Variants in PITPNA observed in about 807,000 individuals in gnomAD.
PITPNA encodes phosphatidylinositol transfer protein alpha.
PITPNA carries 13 observed loss-of-function variants against 50.3 expected under a neutral mutation model. The observed-to-expected ratio is 0.26, with a 90% CI of 0.17 to 0.41. PITPNA has a LOEUF of 0.41. Ranked by LOEUF, PITPNA falls within the 10% of genes least tolerant of loss-of-function variation. PITPNA has a pLI of 1.00. For missense variants in PITPNA, 207 were observed against 333.4 expected, an observed-to-expected ratio of 0.62 and a Z score of 2.95; for synonymous variants, 120 against 119.6, an observed-to-expected ratio of 1.00 and a Z score of -0.02.
intron 2 of PITPNA, among the ~76,000 whole-genome samples, chr17:1,557,399 G>A (rs2075740661): frequency 6.6e-6 from 1 of 152,216 alleles, no homozygotes; most frequent in Non-Finnish European, 1.5e-5. Flanking sequence ...TATCACAGGA[G>A]CTTCATGCTG....
chr17:1,535,770 C>T (rs1409575313), intron 7 of PITPNA: 3 of 513,210 alleles, frequency 5.8e-6, no homozygotes, highest in African/African-American at 3.9e-5. Flanking sequence ...ACTGTCTGAG[C>T]AGGCACATAT....
At chr17:1,524,106 A>G (rs949678681) in intron 10 of PITPNA, among the ~76,000 whole-genome samples, 2 of 138,100 alleles carry the variant, frequency 1.4e-5, no homozygotes, top group South Asian at 2.3e-4. Flanking sequence ...GTGCAGTGGC[A>G]CGATCTTGGC....
Position 1,562,425 on chromosome 17 carries a change from T to C in PITPNA, c.20+116A>G. On this transcript the variant is annotated intron_variant, in intron 1 of 11. Transcript: ENST00000313486. This position sits in a 1 kb window ranked among gnomAD's most constrained non-coding sequence, Gnocchi z 6.4. ...CCCGCTGGGCCCGCCTCAGGCACCC[T>C]CCGTCCCTGCTGCCCCTCCGTCCAT... 1 of 699,012 alleles carries C rather than the reference T, an allele frequency of 1.4e-6. No homozygotes were observed. Among genetic ancestry groups the C allele is most frequent in the South Asian group, 2.4e-5 (1 of 40,944 alleles). The allele number at this position is 699,012 out of a possible 1,614,324, so 43.3% of individuals were successfully genotyped here. A position where few individuals can be genotyped will look rare whatever the true frequency, so the allele number is the denominator to read the frequency against.
chr17:1,534,021 G>T (rs772373025), intron 10 of PITPNA, 78 bp downstream of exon 10: 166 of 1,538,358 alleles, frequency 1.1e-4, no homozygotes, highest in Admixed American at 2.4e-4. Context: ...TGGTGCTCTC[G>T]GTGAAGCGCC....
intron 1 of PITPNA, among the ~76,000 whole-genome samples, chr17:1,560,249 C>T (rs144776616): frequency 3.8e-4 from 58 of 152,328 alleles, no homozygotes; most frequent in African/African-American, 1.3e-3. Flanking sequence ...ACCACTTCGG[C>T]AGCAATAGGG....
intron 2 of PITPNA, among the ~76,000 whole-genome samples, chr17:1,553,569 G>A (rs904319483): frequency 1.3e-5 from 2 of 152,082 alleles, no homozygotes; most frequent in African/African-American, 4.8e-5. Flanking sequence ...AGAGGCAGGT[G>A]AGTCTACTTA....
intron 4 of PITPNA, among the ~76,000 whole-genome samples, chr17:1,544,672 T>G (rs2075664123): frequency 6.6e-6 from 1 of 152,192 alleles, no homozygotes; most frequent in South Asian, 2.1e-4. Context: ...GCACGGTGGC[T>G]CCCGCCTGGA....
intron 2 of PITPNA, among the ~76,000 whole-genome samples, chr17:1,553,876 A>T (rs1290475976): frequency 1.3e-5 from 2 of 152,184 alleles, no homozygotes; most frequent in Non-Finnish European, 2.9e-5. Context: ...CATTTTCCAG[A>T]TTCCTGGTGG....
intron 10 of PITPNA, among the ~76,000 whole-genome samples, chr17:1,531,664 TAA>T (rs199730399): frequency 6.9e-6 from 1 of 145,190 alleles, no homozygotes; most frequent in Non-Finnish European, 1.5e-5. Flanking sequence ...CCTCACCTCT[TAA>T]AAAAAAAAAA....
At chr17:1,537,842 C>G (rs1282718538) in intron 7 of PITPNA, among the ~76,000 whole-genome samples, 1 of 151,884 alleles carries the variant, frequency 6.6e-6, no homozygotes. Flanking sequence ...GCTGTGTCGC[C>G]CAGGCTGGAG....
chr17:1,535,574 G>T, intron 7 of PITPNA, 56 bp from the exon 8 acceptor site: 1 of 1,039,114 alleles, frequency 9.6e-7, no homozygotes, highest in Non-Finnish European at 1.5e-6. Context: ...AGTGAGAGAT[G>T]GGGAGAACAG....
chr17:1,550,283 G>T (rs866950289), intron 3 of PITPNA, among the ~76,000 whole-genome samples: 2 of 152,180 alleles, frequency 1.3e-5, no homozygotes, highest in African/African-American at 4.8e-5. Context: ...GCCATAATGC[G>T]GTGGGCACAG....
chr17:1,551,724 A>G (rs185556921), intron 3 of PITPNA, among the ~76,000 whole-genome samples: 1 of 152,356 alleles, frequency 6.6e-6, no homozygotes, highest in East Asian at 1.9e-4. Context: ...AATCCTCTTT[A>G]AGAAATACAA....
chr17:1,550,346 C>T (rs1037755124), intron 3 of PITPNA, among the ~76,000 whole-genome samples: 30 of 152,118 alleles, frequency 2.0e-4, no homozygotes, highest in African/African-American at 7.0e-4. Context: ...TGCAGTGCAC[C>T]GGGCAGGCTC....
chr17:1,534,006 C>T (rs2075599852), intron 10 of PITPNA, 93 bp downstream of exon 10: 1 of 1,444,696 alleles, frequency 6.9e-7, no homozygotes, highest in Admixed American at 1.7e-5. Flanking sequence ...CCCAGAACTA[C>T]AGGATGGTGC....
chr17:1,524,774 G>C (rs1040926779), intron 10 of PITPNA, among the ~76,000 whole-genome samples: 2 of 151,572 alleles, frequency 1.3e-5, no homozygotes, highest in Non-Finnish European at 2.9e-5. Context: ...GTTTGAACCC[G>C]GGAGGTGGAG....
At chr17:1,522,095 C>G (rs369462074) in intron 10 of PITPNA, among the ~76,000 whole-genome samples, 1 of 124,726 alleles carries the variant, frequency 8.0e-6, no homozygotes, top group South Asian at 2.2e-4. Flanking sequence ...GACGGAGTCT[C>G]GCTCTGCCGC....
intron 4 of PITPNA, among the ~76,000 whole-genome samples, chr17:1,544,489 C>T (rs1455066247): frequency 1.3e-5 from 2 of 152,164 alleles, no homozygotes; most frequent in Non-Finnish European, 2.9e-5. Flanking sequence ...ACAATCCTCC[C>T]CAAACCTTCT....
chr17:1,536,052 A>C (rs1320309466), intron 7 of PITPNA, among the ~76,000 whole-genome samples: 1 of 152,160 alleles, frequency 6.6e-6, no homozygotes, highest in Admixed American at 6.5e-5. Context: ...TCATTACTGG[A>C]AATGTTCAGT....
Sources: allele counts gnomAD v4.1 joint callset (sites outside exome capture counted in the v4.1 genomes callset), GRCh38; gene constraint gnomAD v4.1.1; non-coding constraint Gnocchi (gnomAD v3.1); transcripts MANE v1.5; gene names NCBI Gene and HGNC (gene_info 2026-07-23, HGNC 2026-07-21).